RXFP1: variants seen among roughly 807,000 people sequenced by gnomAD.
The protein encoded by RXFP1 is relaxin receptor 1.
RXFP1 carries 73 observed loss-of-function variants against 89.8 expected under a neutral mutation model. That is an observed-to-expected ratio of 0.81 (90% CI 0.67 to 0.99). The LOEUF (loss-of-function observed/expected upper bound fraction) is 0.99, where lower values mean the gene tolerates loss of function less well. Among genes scored for constraint, RXFP1 ranks in the 50% least tolerant of loss-of-function variants. RXFP1 has a pLI of 0.00. For synonymous variants in RXFP1, 277 were observed against 305.5 expected (o/e 0.91, Z 0.97); for missense variants, 793 against 895.5 (o/e 0.89, Z 1.46).
intron 9 of RXFP1, among the ~76,000 whole-genome samples, chr4:158,621,934 G>A (rs944149563): frequency 6.6e-6 from 1 of 152,226 alleles, no homozygotes; most frequent in Non-Finnish European, 1.5e-5. Flanking sequence ...CAAGGTTGTG[G>A]CTAGAAAGGA....
At chr4:158,618,315 C>G (rs1333871284) in intron 9 of RXFP1, among the ~76,000 whole-genome samples, 1 of 151,964 alleles carries the variant, frequency 6.6e-6, no homozygotes, top group East Asian at 1.9e-4. Flanking sequence ...TAGACAGAAG[C>G]AACTGTGTGC....
chr4:158,652,011 A>G lies in RXFP1; in HGVS notation c.2230A>G (p.Met744Val), dbSNP rs1772842776. ...GGACCTTTTCACATACCCCTGTGAA[A>G]TGTCACTGATTTCTCAATCAACGAG... ...KPDLFTYPCE[M>V]SLISQSTRLN... Residue 744 changes from methionine (M) to valine (V), a missense_variant, in exon 18 of 18, where the codon ATG becomes GTG. Coordinates refer to ENST00000307765, the MANE Select transcript of RXFP1 (RefSeq NM_021634.4). 5 of 1,613,492 alleles carry G rather than the reference A, an allele frequency of 3.1e-6. No homozygotes were observed. The East Asian group carries it at 1.1e-4, about 36-fold the overall frequency.
chr4:158,622,893 G>C (rs1254329963), intron 9 of RXFP1, among the ~76,000 whole-genome samples: 2 of 152,078 alleles, frequency 1.3e-5, no homozygotes, highest in Non-Finnish European at 2.9e-5. Context: ...TAAGGTGATG[G>C]GTATGTTAAT....
chr4:158,624,594 T>TA (rs1195491936), intron 9 of RXFP1, among the ~76,000 whole-genome samples: 8 of 152,070 alleles, frequency 5.3e-5, no homozygotes, highest in East Asian at 1.9e-4. Context: ...GAAATAAAAA[T>TA]AAAAAAACCT....
Position 158,652,704 on chromosome 4 carries a change from C to A in RXFP1, c.*649C>A, listed in dbSNP as rs574141333. 1 of 152,334 alleles carries A rather than the reference C, an allele frequency of 6.6e-6. No homozygotes were observed. Among genetic ancestry groups the A allele is most frequent in the Admixed American group, 6.5e-5 (1 of 15,290 alleles). The allele number at this position is 152,334 out of a possible 1,614,324, so 9.4% of individuals were successfully genotyped here. On this transcript the variant is annotated 3_prime_UTR_variant, in exon 18 of 18. Coordinates refer to ENST00000307765, the MANE Select transcript of RXFP1 (RefSeq NM_021634.4). ...AAAAACAGCACTTCTTTTGGCACTT[C>A]CTGCCCAGTTTTCTCTTTGCTTTAA...
chr4:158,530,236 T>C (rs958514438), intron 1 of RXFP1, among the ~76,000 whole-genome samples: 1 of 152,174 alleles, frequency 6.6e-6, no homozygotes, highest in Non-Finnish European at 1.5e-5. Context: ...TAAGCTGCCC[T>C]AGGAAGCTTT....
rs1286060566 is a variant in RXFP1, at chr4:158,638,512, A to G, written c.1043+433A>G. 3.9e-5 allele frequency among the ~76,000 whole-genome samples: 6 copies of G among 152,176 alleles called. No homozygotes were observed. In the East Asian group the frequency reaches 1.2e-3, roughly 29 times the overall value. Reference sequence around the variant, plus strand: ...TGTTAGAGCCAAAGAATTGCCTTAAAAGATAAGCTTCAGGGCTGAGTGCAG... The same window carrying G: ...TGTTAGAGCCAAAGAATTGCCTTAAGAGATAAGCTTCAGGGCTGAGTGCAG... On this transcript the variant is annotated intron_variant, in intron 13 of 17. Coordinates refer to ENST00000307765, the MANE Select transcript of RXFP1 (RefSeq NM_021634.4).
At chr4:158,649,539 A>T (rs2150275440) in intron 17 of RXFP1, among the ~76,000 whole-genome samples, 1 of 152,236 alleles carries the variant, frequency 6.6e-6, no homozygotes, top group South Asian at 2.1e-4. Flanking sequence ...TGGGCCCAGG[A>T]GTTCAAAGCT....
intron 1 of RXFP1, among the ~76,000 whole-genome samples, chr4:158,547,511 T>C (rs1748794085): frequency 6.6e-6 from 1 of 152,216 alleles, no homozygotes; most frequent in Non-Finnish European, 1.5e-5. Flanking sequence ...GTGTTTTCTC[T>C]TGCTTTTCTA....
intron 2 of RXFP1, among the ~76,000 whole-genome samples, chr4:158,590,483 G>T (rs543652424): frequency 6.6e-6 from 1 of 152,194 alleles, no homozygotes; most frequent in East Asian, 1.9e-4. Flanking sequence ...AATCTCTCCA[G>T]AGCTATTTCT....
intron 1 of RXFP1, among the ~76,000 whole-genome samples, chr4:158,561,425 T>C (rs1358648241): frequency 6.6e-6 from 1 of 152,188 alleles, no homozygotes; most frequent in Non-Finnish European, 1.5e-5. Flanking sequence ...TTTAATATTG[T>C]ATAAACTTAC....
chr4:158,578,927 G>A (rs1271045976), intron 2 of RXFP1, among the ~76,000 whole-genome samples: 3 of 150,182 alleles, frequency 2.0e-5, no homozygotes, highest in Non-Finnish European at 4.4e-5. Context: ...AAAAATTAAC[G>A]TGCAAATAAT....
chr4:158,606,941 A>G, intron 5 of RXFP1: 1 of 792,468 alleles, frequency 1.3e-6, no homozygotes, highest in Non-Finnish European at 2.1e-6. Flanking sequence ...TGTTGGAGAA[A>G]TAGGGTACTT....
intron 2 of RXFP1, among the ~76,000 whole-genome samples, chr4:158,586,548 T>C (rs1302593285): frequency 2.0e-5 from 3 of 152,142 alleles, no homozygotes; most frequent in Admixed American, 2.0e-4. Flanking sequence ...AAAAACCATT[T>C]TGATCACTGC....
chr4:158,608,711 C>T (rs1262004187), intron 6 of RXFP1, among the ~76,000 whole-genome samples: 1 of 152,116 alleles, frequency 6.6e-6, no homozygotes, highest in Non-Finnish European at 1.5e-5. Flanking sequence ...CCATCATCAC[C>T]ATCCACCTCC....
chr4:158,626,673 T>G (rs1055631866), intron 9 of RXFP1, 147 bp from the exon 10 acceptor site: 7 of 443,034 alleles, frequency 1.6e-5, no homozygotes, highest in Non-Finnish European at 2.8e-5. Context: ...TAATTTCAGC[T>G]GTAATAGAAA....
intron 2 of RXFP1, among the ~76,000 whole-genome samples, chr4:158,582,825 A>C (rs1175565529): frequency 6.6e-6 from 1 of 152,186 alleles, no homozygotes; most frequent in Non-Finnish European, 1.5e-5. Flanking sequence ...AGGAGGAGGG[A>C]AGGAAGAAAG....
chr4:158,532,633 C>T (rs1744335701), intron 1 of RXFP1, among the ~76,000 whole-genome samples: 7 of 152,116 alleles, frequency 4.6e-5, no homozygotes, highest in Admixed American at 4.6e-4. Context: ...GACACCAGCA[C>T]CCACCAAAGC....
Position 158,633,392 on chromosome 4 carries a change from A to C in RXFP1, c.900-13A>C, listed in dbSNP as rs747481804. 8 of 1,522,784 alleles carry C rather than the reference A, an allele frequency of 5.3e-6. No individual in the cohort carries two copies. The South Asian group carries it at 9.2e-5, about 17-fold the overall frequency. The allele number at this position is 1,522,784 out of a possible 1,614,324, so 94.3% of individuals were successfully genotyped here. ...AAGAAAATAATATCACATATTTGCA[A>C]TTATTTCTCCAGGGATTTAGGAAGT... On this transcript the variant is annotated splice_polypyrimidine_tract_variant and intron_variant, in intron 11 of 17. Transcript: ENST00000307765.
Sources: allele counts gnomAD v4.1 joint callset (sites outside exome capture counted in the v4.1 genomes callset), GRCh38; gene constraint gnomAD v4.1.1; transcripts MANE v1.5; gene names NCBI Gene and HGNC (gene_info 2026-07-23, HGNC 2026-07-21).